ERCC6L2: variants seen among roughly 807,000 people sequenced by gnomAD.
ERCC6L2 encodes DNA excision repair protein ERCC-6-like 2.
A neutral mutation model predicts 132.0 loss-of-function variants in ERCC6L2; 77 were observed. The observed-to-expected ratio is 0.58, with a 90% confidence interval of 0.49 to 0.71. ERCC6L2 has a LOEUF of 0.71. Ranked by LOEUF, ERCC6L2 falls within the 30% of genes least tolerant of loss-of-function variation. ERCC6L2 has a pLI of 0.00. For missense variants in ERCC6L2, 1,542 were observed against 1,837.6 expected (o/e 0.84, Z 2.94); for synonymous variants, 583 against 632.4 (o/e 0.92, Z 1.17).
chr9:95,950,277 T>A (rs190014968), intron 12 of ERCC6L2, among the ~76,000 whole-genome samples: 2 of 152,302 alleles, frequency 1.3e-5, no homozygotes, highest in East Asian at 3.9e-4. Context: ...GATTTAAGGT[T>A]GTTATAACTT....
intron 16 of ERCC6L2, among the ~76,000 whole-genome samples, chr9:95,973,522 G>A (rs1012578400): frequency 5.3e-5 from 8 of 152,140 alleles, no homozygotes; most frequent in African/African-American, 1.4e-4. Flanking sequence ...CAATCATGGC[G>A]GAAGGCAGTG....
intron 2 of ERCC6L2, among the ~76,000 whole-genome samples, chr9:95,886,919 C>T (rs1214931276): frequency 6.6e-6 from 1 of 152,218 alleles, no homozygotes; most frequent in African/African-American, 2.4e-5. Flanking sequence ...GCCTCCCAGC[C>T]TGCATCTTTC....
chr9:96,000,081 G>GT, intron 17 of ERCC6L2, among the ~76,000 whole-genome samples: 1 of 151,976 alleles, frequency 6.6e-6, no homozygotes, highest in Middle Eastern at 3.4e-3. Context: ...TAGAGATGAG[G>GT]TTTCACCATG....
chr9:96,011,669 A>G (rs1267295033), intron 18 of ERCC6L2, among the ~76,000 whole-genome samples: 1 of 152,204 alleles, frequency 6.6e-6, no homozygotes, highest in Non-Finnish European at 1.5e-5. Flanking sequence ...CCAACTGGGG[A>G]AAAAATAGTC....
At chr9:95,903,862 A>G (rs1162632262) in intron 3 of ERCC6L2, among the ~76,000 whole-genome samples, 1 of 152,062 alleles carries the variant, frequency 6.6e-6, no homozygotes, top group East Asian at 1.9e-4. Flanking sequence ...AGTACTAAAA[A>G]AAAAGTTTTC....
intron 13 of ERCC6L2, among the ~76,000 whole-genome samples, chr9:95,966,360 T>G (rs1029509939): frequency 3.9e-5 from 6 of 152,190 alleles, no homozygotes; most frequent in Non-Finnish European, 8.8e-5. Context: ...AAATATAAGA[T>G]CTCTGTTTCA....
At chr9:95,957,270 C>G (rs1181953503) in intron 13 of ERCC6L2, among the ~76,000 whole-genome samples, 1 of 152,146 alleles carries the variant, frequency 6.6e-6, no homozygotes, top group Non-Finnish European at 1.5e-5. Flanking sequence ...TAAGAGCAAA[C>G]ATCTGCCACA....
In ERCC6L2 at chr9:95,919,691, G is replaced by A. The variant is rs1829770132; in HGVS notation, c.1159-1484G>A. ...CGTTGTTATAGAAAAAGCCATGAAAGCCATCATTCCTGGAATAGTAAATTC... is the reference window on the plus strand; with the variant it reads ...CGTTGTTATAGAAAAAGCCATGAAAACCATCATTCCTGGAATAGTAAATTC... On this transcript the variant is annotated intron_variant, in intron 6 of 18. Coordinates refer to ENST00000653738, the MANE Select transcript of ERCC6L2 (RefSeq NM_020207.7). Among the ~76,000 whole-genome samples the A allele has an allele frequency of 4.6e-5, 7 of 152,292 alleles. No individual in the cohort carries two copies. In the South Asian group the frequency reaches 1.5e-3, roughly 32 times the overall value.
At chr9:96,003,639 A>T (rs1833764380) in intron 17 of ERCC6L2, among the ~76,000 whole-genome samples, 1 of 152,214 alleles carries the variant, frequency 6.6e-6, no homozygotes, top group South Asian at 2.1e-4. Flanking sequence ...TATAGCACCC[A>T]CATGGTGCTA....
At chr9:95,993,626 A>G (rs1382126281) in intron 17 of ERCC6L2, among the ~76,000 whole-genome samples, 5 of 152,210 alleles carry the variant, frequency 3.3e-5, no homozygotes, top group Admixed American at 1.3e-4. Flanking sequence ...AGCAGCTTCT[A>G]TCAGATTTAG....
At chr9:95,948,811 A>T (rs1831191874) in intron 12 of ERCC6L2, among the ~76,000 whole-genome samples, 1 of 151,672 alleles carries the variant, frequency 6.6e-6, no homozygotes. Flanking sequence ...AAAAAAAAGA[A>T]AAGAAAAGAA....
intron 13 of ERCC6L2, among the ~76,000 whole-genome samples, chr9:95,959,396 C>T (rs536048793): frequency 6.6e-6 from 1 of 151,916 alleles, no homozygotes; most frequent in Non-Finnish European, 1.5e-5. Context: ...GGATTAAAGA[C>T]TTAAACGTTA....
At position 95,928,353 on chromosome 9, in the gene ERCC6L2, T is replaced by C. The variant is rs527359087; in HGVS notation, c.1605+203T>C. ...GGTTGCTAAATATCAAACTCAAAGA[T>C]AGATTTTTATTTTCTGTTGATGTTC... is the stretch of plus-strand genomic sequence containing the variant. On this transcript the variant is annotated intron_variant, in intron 10 of 18. Transcript: ENST00000653738. 492 of 447,780 alleles carry C rather than the reference T, an allele frequency of 1.1e-3. 2 individuals are homozygous for C. Among genetic ancestry groups the C allele is most frequent in the Non-Finnish European group, 1.1e-3 (269 of 255,336 alleles). 27.7% of individuals were successfully genotyped at this position (447,780 alleles called of 1,614,324 possible). A position where few individuals can be genotyped will look rare whatever the true frequency, so the allele number is the denominator to read the frequency against.
chr9:96,018,647 T>G (rs986387143), downstream of ERCC6L2, among the ~76,000 whole-genome samples: 1 of 150,628 alleles, frequency 6.6e-6, no homozygotes, highest in Admixed American at 6.6e-5. Flanking sequence ...TTTTTTTTTT[T>G]TTTTTAGAGA....
chr9:95,955,827 G>T, intron 12 of ERCC6L2, 87 bp from the exon 13 acceptor site: 2 of 611,074 alleles, frequency 3.3e-6, no homozygotes, highest in African/African-American at 2.0e-5. Context: ...AAAATTTAAT[G>T]ATTTTCCATT....
chr9:95,928,827 A>G lies in ERCC6L2; in HGVS notation c.1714A>G (p.Ser572Gly), dbSNP rs778901170. 9 of 1,607,520 alleles carry G rather than the reference A, an allele frequency of 5.6e-6. No individual in the cohort carries two copies. The East Asian group carries it at 1.6e-4, about 28-fold the overall frequency. ...ERLKIVKEFN[S>G]TQDVNICLVS... Reference sequence around the variant, plus strand: ...ACTCAAGATTGTAAAAGAGTTCAACAGTACACAAGATGTTAACATTTGCCT... The same window carrying G: ...ACTCAAGATTGTAAAAGAGTTCAACGGTACACAAGATGTTAACATTTGCCT... The change falls in exon 11 of 19, where the codon AGT becomes GGT. Residue 572 changes from serine (S) to glycine (G), a missense_variant. Around this residue, in one of 4 missense-constraint regions of ERCC6L2, gnomAD observed 945 missense variants for 1,105.2 expected, o/e 0.86. Coordinates refer to ENST00000653738, the MANE Select transcript of ERCC6L2 (RefSeq NM_020207.7).
chr9:95,890,782 C>T (rs1046115886), intron 2 of ERCC6L2, among the ~76,000 whole-genome samples: 2 of 152,250 alleles, frequency 1.3e-5, no homozygotes, highest in East Asian at 3.9e-4. Context: ...ATCCTCCCCA[C>T]CTCAGCCTCC....
At chr9:95,988,304 A>C (rs1833170623) in intron 17 of ERCC6L2, among the ~76,000 whole-genome samples, 1 of 152,240 alleles carries the variant, frequency 6.6e-6, no homozygotes, top group Non-Finnish European at 1.5e-5. Flanking sequence ...AAATTATCTG[A>C]TGAAGATAAT....
intron 3 of ERCC6L2, 84 bp from the exon 4 acceptor site, chr9:95,906,994 T>C: frequency 2.3e-6 from 2 of 870,988 alleles, no homozygotes; most frequent in Non-Finnish European, 3.7e-6. Context: ...GGAAGAGGAC[T>C]ATTGATATTG....
Sources: allele counts gnomAD v4.1 joint callset (sites outside exome capture counted in the v4.1 genomes callset), GRCh38; gene constraint gnomAD v4.1.1; regional missense constraint gnomAD v4.1.1; transcripts MANE v1.5; gene names NCBI Gene and HGNC (gene_info 2026-07-23, HGNC 2026-07-21).